BLNK: variants seen among roughly 807,000 people sequenced by gnomAD.
BLNK encodes B-cell linker protein.
BLNK carries 29 observed loss-of-function variants against 73.5 expected under a neutral mutation model. That is an observed-to-expected ratio of 0.39 (90% CI 0.29 to 0.54). BLNK has a LOEUF of 0.54. Among genes scored for constraint, BLNK ranks in the 20% least tolerant of loss-of-function variants. BLNK has a pLI of 0.61. For missense variants in BLNK, 460 were observed against 562.8 expected, an observed-to-expected ratio of 0.82 and a Z score of 1.85; for synonymous variants, 176 against 200.8, an observed-to-expected ratio of 0.88 and a Z score of 1.04.
In BLNK at chr10:96,268,635, C is replaced by T. The variant is rs948345407; in HGVS notation, c.47+2717G>A. Among the ~76,000 whole-genome samples the T allele has an allele frequency of 9.2e-5, 14 of 152,100 alleles. 1 individual carries two copies. The highest frequency in any genetic ancestry group is 3.4e-4 in the African/African-American group (14 of 41,400). ...ATGACCCATCCCCACTGGGTTCATC[C>T]AGAACATTCCCTTTCTTCTTCATTT... On this transcript the variant is annotated intron_variant, in intron 1 of 16. Transcript: ENST00000224337.
chr10:96,200,277 A>C lies in BLNK; in HGVS notation c.1012-119T>G. 1 of 663,974 alleles carries C rather than the reference A, an allele frequency of 1.5e-6. No homozygotes were observed. The highest frequency in any genetic ancestry group is 2.6e-6 in the Non-Finnish European group (1 of 377,814). 41.1% of individuals were successfully genotyped at this position (663,974 alleles called of 1,614,324 possible). A position where few individuals can be genotyped will look rare whatever the true frequency, so the allele number is the denominator to read the frequency against. ...ACAGGCCTCTACATTTACACCAATA[A>C]TTTTAAGATGAGTTTTATTTTTCCT... is the stretch of plus-strand genomic sequence containing the variant. On this transcript the variant is annotated intron_variant, in intron 14 of 16. Coordinates refer to ENST00000224337, the MANE Select transcript of BLNK (RefSeq NM_013314.4). The surrounding 1 kb of genome is among the most constrained non-coding windows in gnomAD (Gnocchi z 4.3).
chr10:96,230,373 G>T (rs1312126506), intron 4 of BLNK, among the ~76,000 whole-genome samples: 3 of 152,154 alleles, frequency 2.0e-5, no homozygotes, highest in Non-Finnish European at 4.4e-5. Flanking sequence ...CCCCTGATGT[G>T]CCAGACACTT....
At chr10:96,225,297 C>T (rs1554902193) in intron 5 of BLNK, among the ~76,000 whole-genome samples, 3 of 152,190 alleles carry the variant, frequency 2.0e-5, no homozygotes, top group African/African-American at 7.2e-5. Context: ...GCATCACTGG[C>T]CTCTTGCTGC....
In BLNK at chr10:96,209,829, G is replaced by A; in HGVS notation, c.746+9C>T. The A allele has an allele frequency of 6.2e-7, 1 of 1,614,212 alleles. No individual in the cohort carries two copies. Among genetic ancestry groups the A allele is most frequent in the Non-Finnish European group, 8.5e-7 (1 of 1,180,032 alleles). On this transcript the variant is annotated intron_variant, in intron 9 of 16. Coordinates refer to ENST00000224337, the MANE Select transcript of BLNK (RefSeq NM_013314.4). Reference sequence around the variant, plus strand: ...ATCTCAAAAGCTGCTTCCTGCAACAGGTACTTACCCGGCCCGTGGCAACGG... The same window carrying A: ...ATCTCAAAAGCTGCTTCCTGCAACAAGTACTTACCCGGCCCGTGGCAACGG...
At chr10:96,264,355 C>G (rs1554913714) in intron 1 of BLNK, among the ~76,000 whole-genome samples, 2 of 152,128 alleles carry the variant, frequency 1.3e-5, no homozygotes, top group African/African-American at 4.8e-5. Flanking sequence ...CTTAAAAGGC[C>G]TCCTTAGTGA....
chr10:96,228,689 G>T (rs1461956475), intron 4 of BLNK, among the ~76,000 whole-genome samples: 1 of 152,242 alleles, frequency 6.6e-6, no homozygotes, highest in Non-Finnish European at 1.5e-5. Context: ...CGCAGAGGCA[G>T]AAAGAGTCAC....
At chr10:96,252,866 C>T (rs572947749) in intron 1 of BLNK, among the ~76,000 whole-genome samples, 160 of 152,200 alleles carry the variant, frequency 1.1e-3, no homozygotes, top group African/African-American at 2.7e-3. Context: ...AATGCAGTGG[C>T]GGTGGCACTA....
At chr10:96,213,410 TA>T (rs1200159742) in intron 8 of BLNK, among the ~76,000 whole-genome samples, 1 of 152,110 alleles carries the variant, frequency 6.6e-6, no homozygotes, top group Non-Finnish European at 1.5e-5. Flanking sequence ...GGGCTAAGTG[TA>T]AGGGGGAAGA....
intron 7 of BLNK, chr10:96,215,892 T>C: frequency 6.2e-6 from 1 of 162,400 alleles, no homozygotes; most frequent in Non-Finnish European, 1.3e-5. Context: ...GTGTATTTGT[T>C]CTTTTGTGGT....
rs139177388 is a variant in BLNK at position 96,250,119 on chromosome 10, G to A, written c.48-3070C>T. On this transcript the variant is annotated intron_variant, in intron 1 of 16. Transcript: ENST00000224337. ...TTTATACTCCCTAGCTAGGGAGGCC[G>A]GGCACACTGATGATACAAGTGTAAG... is the stretch of plus-strand genomic sequence containing the variant. Among the ~76,000 whole-genome samples the A allele has an allele frequency of 1.8e-3, 268 of 152,166 alleles. 1 individual carries two copies. The highest frequency in any genetic ancestry group is 6.4e-3 in the African/African-American group (266 of 41,506).
chr10:96,192,199 C>A lies in BLNK; in HGVS notation c.1252-107G>T, dbSNP rs587621098. ...TCAAGTTAGTAAAAGTTATTACACC[C>A]CAGCTGACATTCTGCACAAAAAAAT... On this transcript the variant is annotated intron_variant, in intron 16 of 16. Transcript: ENST00000224337. The A allele has an allele frequency of 2.5e-5, 36 of 1,453,056 alleles. No homozygotes were observed. In the African/African-American group the frequency reaches 3.5e-4, roughly 14 times the overall value. 90.0% of individuals were successfully genotyped at this position (1,453,056 alleles called of 1,614,324 possible). A position where few individuals can be genotyped will look rare whatever the true frequency, so the allele number is the denominator to read the frequency against.
rs201861123 is a variant in BLNK at position 96,223,888 on chromosome 10, C to T, written c.463G>A (p.Ala155Thr). Residue 155 changes from alanine (A) to threonine (T), a missense_variant, in exon 6 of 17, where the codon GCC becomes ACC. By Grantham distance (58) the Ala-to-Thr change is moderately conservative. Coordinates refer to ENST00000224337, the MANE Select transcript of BLNK (RefSeq NM_013314.4). The part of the protein sequence containing the change: ...EKARLTSTLP[A>T]LTALQKPQVP... ...TGAGGTTTCTGCAAAGCAGTCAGGGCCGGCAGGGTGGAGGTGAGCCTTGCT... is the reference window on the plus strand; with the variant it reads ...TGAGGTTTCTGCAAAGCAGTCAGGGTCGGCAGGGTGGAGGTGAGCCTTGCT... 1.9e-6 allele frequency: 3 copies of T among 1,613,840 alleles called. No homozygotes were observed. The highest frequency in any genetic ancestry group is 1.7e-5 in the Admixed American group (1 of 60,012).
At chr10:96,206,954 T>A (rs2083827993) in intron 11 of BLNK, 57 bp downstream of exon 11, 1 of 1,522,536 alleles carries the variant, frequency 6.6e-7, no homozygotes, top group African/African-American at 1.4e-5. Context: ...TACATACAAA[T>A]CCTTAATAAA....
At chr10:96,224,018 A>G in intron 5 of BLNK, 29 bp from the exon 6 acceptor site, 1 of 1,611,714 alleles carries the variant, frequency 6.2e-7, no homozygotes, top group South Asian at 1.1e-5. Context: ...AAAACATAAC[A>G]TAAAAGAGGC....
At chr10:96,250,897 G>C (rs1407886627) in intron 1 of BLNK, among the ~76,000 whole-genome samples, 1 of 152,114 alleles carries the variant, frequency 6.6e-6, no homozygotes, top group Non-Finnish European at 1.5e-5. Flanking sequence ...TTTTAAAGTT[G>C]ATGCATAATA....
At chr10:96,208,418 T>C (rs2083872378) in intron 9 of BLNK, among the ~76,000 whole-genome samples, 1 of 152,190 alleles carries the variant, frequency 6.6e-6, no homozygotes. Flanking sequence ...TTCTCCACTG[T>C]CTTCTGTGCA....
chr10:96,207,761 G>A (rs1364322550), intron 10 of BLNK, 111 bp downstream of exon 10: 3 of 1,331,828 alleles, frequency 2.3e-6, no homozygotes, highest in Middle Eastern at 1.9e-4. Context: ...AACTTCAGTT[G>A]CTAAGATTGC....
In BLNK at chr10:96,200,708, A is replaced by G. The variant is rs1457743467; in HGVS notation, c.1011+274T>C. 1.3e-5 allele frequency among the ~76,000 whole-genome samples: 2 copies of G among 152,248 alleles called. No homozygotes were observed. The highest frequency in any genetic ancestry group is 3.8e-4 in the East Asian group (2 of 5,204). ...TCTACAGATCTATTTGGAGGAAATT[A>G]CAAAGTTTAAATAAAATCTATGTGA... On this transcript the variant is annotated intron_variant, in intron 14 of 16. Transcript: ENST00000224337. This position sits in a 1 kb window ranked among gnomAD's most constrained non-coding sequence, Gnocchi z 4.3.
At chr10:96,235,932 A>G (rs1842673043) in intron 3 of BLNK, among the ~76,000 whole-genome samples, 2 of 152,016 alleles carry the variant, frequency 1.3e-5, no homozygotes, top group Non-Finnish European at 1.5e-5. Context: ...GCCATAGTGG[A>G]CACCGCAGGC....
Sources: gnomAD v4.1 joint callset for allele counts (sites outside exome capture counted in the v4.1 genomes callset) on GRCh38, gnomAD v4.1.1 for gene constraint, Gnocchi (gnomAD v3.1) non-coding constraint, MANE v1.5 for transcripts, NCBI Gene and HGNC (gene_info 2026-07-23, HGNC 2026-07-21) for gene names.